The following PRKN variants were observed in gnomAD, a reference collection of about 807,000 sequenced individuals.
PRKN encodes parkin RBR E3 ubiquitin protein ligase.
In PRKN, 56 loss-of-function variants were observed where a neutral mutation model predicts 59.5. The ratio of observed to expected loss-of-function variants is 0.94; its 90% CI spans 0.76 to 1.18. The LOEUF is 1.18. Ranked by LOEUF, PRKN falls within the 50% of genes most tolerant of loss-of-function variation. PRKN has a pLI of 0.00. For synonymous variants in PRKN, 250 were observed against 222.1 expected (o/e 1.13, Z -1.12); for missense variants, 657 against 596.4 (o/e 1.10, Z -1.06).
At chr6:161,671,363 G>A (rs1582980324) in intron 7 of PRKN, among the ~76,000 whole-genome samples, 2 of 152,116 alleles carry the variant, frequency 1.3e-5, no homozygotes, top group Non-Finnish European at 2.9e-5. Context: ...GAAATAAGAC[G>A]GGCTCAGACC....
At chr6:162,471,695 G>A (rs1791757568) in intron 1 of PRKN, among the ~76,000 whole-genome samples, 1 of 152,166 alleles carries the variant, frequency 6.6e-6, no homozygotes, top group Admixed American at 6.6e-5. Flanking sequence ...TTATACAGAA[G>A]TGCAAAAACT....
In PRKN at chr6:161,578,354, C is replaced by T. The variant is rs987688575; in HGVS notation, c.872-8938G>A. Among the ~76,000 whole-genome samples the T allele has an allele frequency of 2.0e-5, 3 of 152,164 alleles. No homozygotes were observed. Among genetic ancestry groups the T allele is most frequent in the African/African-American group, 4.8e-5 (2 of 41,428 alleles). Reference sequence around the variant, plus strand: ...AAGCTTGTAAAGCAATAAATAACTTCACTGTTTGCTTCAAGAAACTCCTGC... The same window carrying T: ...AAGCTTGTAAAGCAATAAATAACTTTACTGTTTGCTTCAAGAAACTCCTGC... On this transcript the variant is annotated intron_variant, in intron 7 of 11. Coordinates refer to ENST00000366898, the MANE Select transcript of PRKN (RefSeq NM_004562.3). This position sits in a 1 kb window ranked among gnomAD's most constrained non-coding sequence, Gnocchi z 4.2.
intron 7 of PRKN, among the ~76,000 whole-genome samples, chr6:161,764,747 T>C (rs1397333676): frequency 6.6e-6 from 1 of 152,190 alleles, no homozygotes; most frequent in East Asian, 1.9e-4. Flanking sequence ...GGAAAGTGTA[T>C]TAAAACAATA....
chr6:161,861,541 A>G (rs1005096420), intron 6 of PRKN, among the ~76,000 whole-genome samples: 4 of 151,810 alleles, frequency 2.6e-5, no homozygotes, highest in Non-Finnish European at 5.9e-5. Context: ...ATGTATACCT[A>G]TGTAACAAAC....
chr6:161,888,685 C>T (rs1467823131), intron 6 of PRKN, among the ~76,000 whole-genome samples: 1 of 152,126 alleles, frequency 6.6e-6, no homozygotes, highest in African/African-American at 2.4e-5. Flanking sequence ...CTTCATAATC[C>T]TCCAGCATCC....
chr6:161,894,579 C>T (rs1777541930), intron 6 of PRKN, among the ~76,000 whole-genome samples: 1 of 152,148 alleles, frequency 6.6e-6, no homozygotes, highest in South Asian at 2.1e-4. Flanking sequence ...GTTTTCAAAT[C>T]GTGCGTTACT....
At chr6:162,710,073 T>C (rs1584094837) in intron 1 of PRKN, among the ~76,000 whole-genome samples, 1 of 152,138 alleles carries the variant, frequency 6.6e-6, no homozygotes, top group Non-Finnish European at 1.5e-5. Context: ...TGGGTGTGGC[T>C]GCTGAGCCAG....
intron 5 of PRKN, among the ~76,000 whole-genome samples, chr6:162,050,309 A>G (rs1310107818): frequency 6.6e-6 from 1 of 152,170 alleles, no homozygotes; most frequent in Non-Finnish European, 1.5e-5. Flanking sequence ...TGTAACCTGC[A>G]TAAAGCCAGA....
intron 1 of PRKN, among the ~76,000 whole-genome samples, chr6:162,516,518 G>A (rs951363994): frequency 1.3e-5 from 2 of 152,116 alleles, no homozygotes; most frequent in African/African-American, 4.8e-5. Context: ...TTGGGAGGCC[G>A]AGGTGGGCGG....
intron 2 of PRKN, among the ~76,000 whole-genome samples, chr6:162,291,618 G>A (rs1345024071): frequency 1.3e-5 from 2 of 152,154 alleles, no homozygotes; most frequent in Admixed American, 6.5e-5. Context: ...GGATTCTTGA[G>A]CCAAACATGA....
intron 6 of PRKN, among the ~76,000 whole-genome samples, chr6:161,802,243 C>T (rs569775656): frequency 1.5e-3 from 233 of 152,194 alleles, no homozygotes; most frequent in Middle Eastern, 3.4e-3. Flanking sequence ...CCTGGTCATT[C>T]AGAAAAAGGT....
At chr6:162,249,621 C>A (rs984848973) in intron 3 of PRKN, among the ~76,000 whole-genome samples, 1 of 151,756 alleles carries the variant, frequency 6.6e-6, no homozygotes, top group Non-Finnish European at 1.5e-5. Flanking sequence ...GAAAGAAAAG[C>A]AAATAATAAA....
intron 1 of PRKN, among the ~76,000 whole-genome samples, chr6:162,658,639 C>T (rs1276653030): frequency 4.2e-5 from 5 of 119,684 alleles, no homozygotes; most frequent in East Asian, 2.5e-4. Context: ...ACAGCCTGGG[C>T]GACAGAGTGA....
intron 4 of PRKN, among the ~76,000 whole-genome samples, chr6:162,117,347 T>C (rs1562523709): frequency 6.6e-6 from 1 of 152,248 alleles, no homozygotes; most frequent in Non-Finnish European, 1.5e-5. Context: ...CTACTAGGCG[T>C]AGGCTTTCGC....
At chr6:162,197,794 A>G (rs1221788831) in intron 4 of PRKN, among the ~76,000 whole-genome samples, 2 of 152,340 alleles carry the variant, frequency 1.3e-5, no homozygotes, top group Middle Eastern at 3.4e-3. Flanking sequence ...ATGATGCCAG[A>G]CAGAATTTCT....
intron 2 of PRKN, among the ~76,000 whole-genome samples, chr6:162,305,597 A>ATG (rs1782185682): frequency 6.6e-6 from 1 of 152,204 alleles, no homozygotes; most frequent in African/African-American, 2.4e-5. Flanking sequence ...GAAGATAAGA[A>ATG]AACTATGAGT....
At chr6:161,831,098 A>G (rs751860079) in intron 6 of PRKN, among the ~76,000 whole-genome samples, 1 of 152,342 alleles carries the variant, frequency 6.6e-6, no homozygotes, top group Non-Finnish European at 1.5e-5. Context: ...ACCAAGAAAG[A>G]GCAGCTAACT....
chr6:161,383,363 A>G (rs1786080375), intron 10 of PRKN, among the ~76,000 whole-genome samples: 1 of 152,236 alleles, frequency 6.6e-6, no homozygotes, highest in African/African-American at 2.4e-5. Context: ...AGATTGGTAA[A>G]TTCGCTCATA....
At chr6:162,327,826 T>C (rs1304095820) in intron 2 of PRKN, among the ~76,000 whole-genome samples, 1 of 152,082 alleles carries the variant, frequency 6.6e-6, no homozygotes, top group Admixed American at 6.6e-5. Flanking sequence ...GTCTCCAAGG[T>C]CTTATCTTTC....
Sources: gnomAD v4.1 joint callset for allele counts (sites outside exome capture counted in the v4.1 genomes callset) on GRCh38, gnomAD v4.1.1 for gene constraint, Gnocchi (gnomAD v3.1) non-coding constraint, MANE v1.5 for transcripts, NCBI Gene and HGNC (gene_info 2026-07-23, HGNC 2026-07-21) for gene names.